Variants in B3GLCT observed in about 807,000 individuals in gnomAD.
The protein encoded by B3GLCT is beta 3-glucosyltransferase.
B3GLCT carries 65 observed loss-of-function variants against 63.4 expected under a neutral mutation model. The ratio of observed to expected loss-of-function variants is 1.03; its 90% CI spans 0.84 to 1.26. B3GLCT has a LOEUF of 1.26. B3GLCT is among the 50% of genes most tolerant of loss of function. B3GLCT has a pLI of 0.00. For synonymous variants in B3GLCT, 233 were observed against 219.2 expected (o/e 1.06, Z -0.55); for missense variants, 577 against 604.8 (o/e 0.95, Z 0.48).
At position 31,237,417 on chromosome 13, in the gene B3GLCT, G is replaced by T. The variant is rs1026432680; in HGVS notation, c.270+8123G>T. Among the ~76,000 whole-genome samples the T allele has an allele frequency of 2.7e-5, 4 of 148,808 alleles. No individual in the cohort carries two copies. The East Asian group carries it at 6.1e-4, about 23-fold the overall frequency. ...TTCCTAGGCTGGAGTGCAGTGGTGCGATCTCAGCTCACTGCAACCTCTGCC... is the reference window on the plus strand; with the variant it reads ...TTCCTAGGCTGGAGTGCAGTGGTGCTATCTCAGCTCACTGCAACCTCTGCC... On this transcript the variant is annotated intron_variant, in intron 4 of 14. Coordinates refer to ENST00000343307, the MANE Select transcript of B3GLCT (RefSeq NM_194318.4).
At chr13:31,212,779 A>G (rs1869337362) in intron 1 of B3GLCT, among the ~76,000 whole-genome samples, 1 of 152,236 alleles carries the variant, frequency 6.6e-6, no homozygotes. Context: ...GCAAGTTCTC[A>G]GAATATTCTA....
chr13:31,264,035 C>A (rs1443065075), intron 7 of B3GLCT, among the ~76,000 whole-genome samples: 1 of 152,076 alleles, frequency 6.6e-6, no homozygotes, highest in Admixed American at 6.6e-5. Context: ...TGCCAGTTTT[C>A]TGGTTCCTTT....
At chr13:31,290,580 T>C (rs1160511990) in intron 12 of B3GLCT, among the ~76,000 whole-genome samples, 1 of 152,248 alleles carries the variant, frequency 6.6e-6, no homozygotes, top group African/African-American at 2.4e-5. Context: ...TGGTATCTCA[T>C]TGTGGTTTTG....
At chr13:31,222,685 C>T (rs1299712115) in intron 2 of B3GLCT, among the ~76,000 whole-genome samples, 1 of 152,198 alleles carries the variant, frequency 6.6e-6, no homozygotes, top group Admixed American at 6.5e-5. Context: ...TAGGAAAGAG[C>T]TTCAGCTCAA....
intron 7 of B3GLCT, among the ~76,000 whole-genome samples, chr13:31,265,366 T>G (rs1872240591): frequency 6.6e-6 from 1 of 152,174 alleles, no homozygotes; most frequent in Non-Finnish European, 1.5e-5. Flanking sequence ...AAACTCTGTA[T>G]TATATAGACA....
At position 31,200,052 on chromosome 13, in the gene B3GLCT, GC is replaced by G; in HGVS notation, c.-30del. ...CTCCCCGCGCGTCTCCCTTCCCCGC[GC>G]CCAGGTAGGGCGCTCAGCCTCCGCC... On this transcript the variant is annotated 5_prime_UTR_variant, in exon 1 of 15. Transcript: ENST00000343307. 7.6e-7 allele frequency: 1 copy of G among 1,316,450 alleles called. No homozygotes were observed. The allele number at this position is 1,316,450 out of a possible 1,614,324, so 81.5% of individuals were successfully genotyped here. A position where few individuals can be genotyped will look rare whatever the true frequency, so the allele number is the denominator to read the frequency against.
chr13:31,237,551 C>T (rs36114247), intron 4 of B3GLCT, among the ~76,000 whole-genome samples: 38,966 of 151,934 alleles, frequency 0.26, 6,558 homozygotes, highest in Middle Eastern at 0.39. Context: ...GACAGGGTTT[C>T]ACCATGTTGG....
At chr13:31,292,349 C>T (rs1488393652) in intron 12 of B3GLCT, among the ~76,000 whole-genome samples, 2 of 152,154 alleles carry the variant, frequency 1.3e-5, no homozygotes, top group Non-Finnish European at 2.9e-5. Flanking sequence ...AGGATTCCCT[C>T]TCTTTTTATT....
Position 31,315,863 on chromosome 13 carries a change from G to T in B3GLCT, c.1065-1703G>T, listed in dbSNP as rs372749290. On this transcript the variant is annotated intron_variant, in intron 12 of 14. Coordinates refer to ENST00000343307, the MANE Select transcript of B3GLCT (RefSeq NM_194318.4). ...GCTCTATGCAGCCTCAGGACTTGGTGCCCTGTGTCCCAGATGCTCCAGCCA... is the reference window on the plus strand; with the variant it reads ...GCTCTATGCAGCCTCAGGACTTGGTTCCCTGTGTCCCAGATGCTCCAGCCA... Among the ~76,000 whole-genome samples, 106 of 152,344 alleles carry T rather than the reference G, an allele frequency of 7.0e-4. 3 individuals are homozygous for T. In the South Asian group the frequency reaches 0.021, roughly 30 times the overall value.
chr13:31,221,981 TAC>T (rs1458727618), intron 2 of B3GLCT, among the ~76,000 whole-genome samples: 2 of 152,176 alleles, frequency 1.3e-5, no homozygotes, highest in Non-Finnish European at 2.9e-5. Context: ...TCCGTTGATT[TAC>T]ACAGAGTCGA....
chr13:31,313,711 C>T lies in B3GLCT; in HGVS notation c.1065-3855C>T, dbSNP rs538398505. 3.9e-5 allele frequency among the ~76,000 whole-genome samples: 6 copies of T among 152,272 alleles called. 1 individual carries two copies. The South Asian group carries it at 8.3e-4, about 21-fold the overall frequency. ...CCATTTTCTGGGGAGAAAGTCAAGC[C>T]GGCTGCAGAAATTTGTGTAAGTAGC... On this transcript the variant is annotated intron_variant, in intron 12 of 14. Transcript: ENST00000343307.
At chr13:31,325,497 A>G (rs1286124673) in intron 14 of B3GLCT, among the ~76,000 whole-genome samples, 1 of 152,224 alleles carries the variant, frequency 6.6e-6, no homozygotes, top group Non-Finnish European at 1.5e-5. Context: ...ATTAGCTAAT[A>G]AAATGATAAG....
intron 1 of B3GLCT, among the ~76,000 whole-genome samples, chr13:31,208,015 C>T (rs1045089869): frequency 1.3e-5 from 2 of 152,150 alleles, no homozygotes; most frequent in African/African-American, 4.8e-5. Context: ...GAAACAGAGG[C>T]TCAGAGAGGT....
At chr13:31,313,556 A>G (rs1874833139) in intron 12 of B3GLCT, among the ~76,000 whole-genome samples, 1 of 152,232 alleles carries the variant, frequency 6.6e-6, no homozygotes, top group African/African-American at 2.4e-5. Flanking sequence ...ATGTGGTGGA[A>G]GAAATTTCTA....
intron 2 of B3GLCT, among the ~76,000 whole-genome samples, chr13:31,216,724 A>G (rs1869581581): frequency 6.6e-6 from 1 of 152,116 alleles, no homozygotes; most frequent in African/African-American, 2.4e-5. Context: ...TTTCTGCATT[A>G]ATTGGGTTAG....
chr13:31,285,515 C>T (rs1873277063), intron 11 of B3GLCT, among the ~76,000 whole-genome samples: 2 of 148,734 alleles, frequency 1.3e-5, no homozygotes, highest in African/African-American at 5.0e-5. Context: ...ACCTCATCTT[C>T]AGATATTCTT....
In B3GLCT at chr13:31,221,395, G is replaced by A. The variant is rs924479814; in HGVS notation, c.121-1557G>A. Among the ~76,000 whole-genome samples, 5 of 152,308 alleles carry A rather than the reference G, an allele frequency of 3.3e-5. No homozygotes were observed. The South Asian group carries it at 6.2e-4, about 19-fold the overall frequency. On this transcript the variant is annotated intron_variant, in intron 2 of 14. Coordinates refer to ENST00000343307, the MANE Select transcript of B3GLCT (RefSeq NM_194318.4). Reference sequence around the variant, plus strand: ...AGAGTGGCATTTAGAGTAAGTCTGCGCATGCTGACTTACGGTGATAACCTG... The same window carrying A: ...AGAGTGGCATTTAGAGTAAGTCTGCACATGCTGACTTACGGTGATAACCTG...
At position 31,267,252 on chromosome 13, in the gene B3GLCT, G is replaced by C. The variant is rs117608378; in HGVS notation, c.597-1962G>C. On this transcript the variant is annotated intron_variant, in intron 7 of 14. Coordinates refer to ENST00000343307, the MANE Select transcript of B3GLCT (RefSeq NM_194318.4). ...TATGAAACATTGCCATCTAACAGTG[G>C]AGGTCACATGCCTCTTGTATTCTAA... 5.4e-4 allele frequency among the ~76,000 whole-genome samples: 82 copies of C among 152,364 alleles called. No individual in the cohort carries two copies. The East Asian group carries it at 0.015, about 28-fold the overall frequency.
At chr13:31,215,595 G>T (rs148558572) in intron 2 of B3GLCT, among the ~76,000 whole-genome samples, 1 of 152,124 alleles carries the variant, frequency 6.6e-6, no homozygotes, top group East Asian at 1.9e-4. Flanking sequence ...TGCGTTTTTA[G>T]TGGAGACGGG....
Sources: allele counts gnomAD v4.1 joint callset (sites outside exome capture counted in the v4.1 genomes callset), GRCh38; gene constraint gnomAD v4.1.1; transcripts MANE v1.5; gene names NCBI Gene and HGNC (gene_info 2026-07-23, HGNC 2026-07-21).